Variants in CDH12 observed in about 807,000 individuals in gnomAD.
CDH12 encodes cadherin-12.
In CDH12, 41 loss-of-function variants were observed where a neutral mutation model predicts 74.1. The observed-to-expected ratio is 0.55, with a 90% confidence interval of 0.43 to 0.72. CDH12 has a LOEUF of 0.72. Ranked by LOEUF, CDH12 falls within the 30% of genes least tolerant of loss-of-function variation. The pLI, the probability that CDH12 is intolerant of heterozygous loss-of-function variation, is 0.00. For synonymous variants in CDH12, 399 were observed against 355.0 expected, an observed-to-expected ratio of 1.12 and a Z score of -1.39; for missense variants, 945 against 977.2, an observed-to-expected ratio of 0.97 and a Z score of 0.44.
chr5:22,543,672 T>A (rs1738196606), intron 1 of CDH12, among the ~76,000 whole-genome samples: 1 of 152,166 alleles, frequency 6.6e-6, no homozygotes, highest in Non-Finnish European at 1.5e-5. Flanking sequence ...GTCTTTACAC[T>A]TCTACAATAA....
chr5:22,521,828 A>T (rs541623636), intron 1 of CDH12, among the ~76,000 whole-genome samples: 2 of 152,288 alleles, frequency 1.3e-5, no homozygotes, highest in East Asian at 3.9e-4. Context: ...CCAGCAGCCT[A>T]TCGATCTCTG....
intron 1 of CDH12, among the ~76,000 whole-genome samples, chr5:22,828,915 C>T (rs1337092875): frequency 6.6e-6 from 1 of 152,086 alleles, no homozygotes; most frequent in African/African-American, 2.4e-5. Context: ...TTATTGATTA[C>T]TCACATATGC....
At chr5:22,055,927 G>A (rs1036725649) in intron 5 of CDH12, among the ~76,000 whole-genome samples, 1 of 152,004 alleles carries the variant, frequency 6.6e-6, no homozygotes, top group Non-Finnish European at 1.5e-5. Context: ...TGCACATATT[G>A]ATAAAAATAC....
chr5:21,873,912 A>C (rs1478512115), intron 6 of CDH12, among the ~76,000 whole-genome samples: 1 of 151,956 alleles, frequency 6.6e-6, no homozygotes, highest in African/African-American at 2.4e-5. Context: ...AGCTTCACCC[A>C]TGTCCCTGCA....
At chr5:22,532,377 ATG>A (rs1554047729) in intron 1 of CDH12, among the ~76,000 whole-genome samples, 19 of 79,682 alleles carry the variant, frequency 2.4e-4, no homozygotes, top group African/African-American at 7.7e-4. Flanking sequence ...ATATATATAT[ATG>A]TATGTATCCT....
At chr5:22,382,188 T>C (rs1038476151) in intron 3 of CDH12, among the ~76,000 whole-genome samples, 1 of 145,766 alleles carries the variant, frequency 6.9e-6, no homozygotes, top group Admixed American at 6.9e-5. Context: ...ATAATATATA[T>C]TATTTTATTA....
intron 5 of CDH12, among the ~76,000 whole-genome samples, chr5:22,076,157 C>T (rs1156567110): frequency 6.6e-6 from 1 of 152,032 alleles, no homozygotes; most frequent in Non-Finnish European, 1.5e-5. Flanking sequence ...GAGCCCTGTA[C>T]CAGCGGAAAT....
At chr5:22,597,646 G>C (rs561379644) in intron 1 of CDH12, among the ~76,000 whole-genome samples, 2 of 152,172 alleles carry the variant, frequency 1.3e-5, no homozygotes, top group African/African-American at 4.8e-5. Flanking sequence ...CTTATCTCCA[G>C]AGTATTTGTT....
intron 5 of CDH12, among the ~76,000 whole-genome samples, chr5:22,070,271 T>C (rs1231716688): frequency 1.3e-5 from 2 of 152,160 alleles, no homozygotes; most frequent in Admixed American, 6.6e-5. Flanking sequence ...TTTCATTGCA[T>C]GCAAGACAGT....
intron 3 of CDH12, among the ~76,000 whole-genome samples, chr5:22,257,714 T>C (rs1753368735): frequency 6.6e-6 from 1 of 152,066 alleles, no homozygotes; most frequent in African/African-American, 2.4e-5. Context: ...TTAGCCAGCA[T>C]GGTCTTGATC....
At chr5:22,400,497 G>A (rs865926203) in intron 3 of CDH12, among the ~76,000 whole-genome samples, 6 of 151,778 alleles carry the variant, frequency 4.0e-5, no homozygotes, top group Middle Eastern at 3.4e-3. Flanking sequence ...GTTTCACCAC[G>A]TTGCCCAGGC....
At chr5:21,949,830 TAAA>T (rs1380066223) in intron 6 of CDH12, among the ~76,000 whole-genome samples, 1 of 152,342 alleles carries the variant, frequency 6.6e-6, no homozygotes, top group African/African-American at 2.4e-5. Flanking sequence ...AAAAATAAGT[TAAA>T]AAGTTTATAA....
intron 12 of CDH12, among the ~76,000 whole-genome samples, chr5:21,763,216 A>G (rs1423309910): frequency 6.6e-6 from 1 of 152,220 alleles, no homozygotes; most frequent in African/African-American, 2.4e-5. Context: ...GTAGAGCAGC[A>G]CAGTCCACTA....
chr5:22,744,196 G>A (rs1444886217), intron 1 of CDH12, among the ~76,000 whole-genome samples: 1 of 152,036 alleles, frequency 6.6e-6, no homozygotes, highest in Non-Finnish European at 1.5e-5. Flanking sequence ...TTGGGAGGCC[G>A]AGACGGGCGG....
At chr5:22,205,127 A>G (rs1366989839) in intron 4 of CDH12, among the ~76,000 whole-genome samples, 1 of 152,266 alleles carries the variant, frequency 6.6e-6, no homozygotes, top group Non-Finnish European at 1.5e-5. Context: ...AGATTTTATA[A>G]TGTGTTAAAA....
intron 2 of CDH12, among the ~76,000 whole-genome samples, chr5:22,457,978 C>A (rs1264451508): frequency 3.3e-5 from 5 of 151,976 alleles, no homozygotes; most frequent in African/African-American, 1.2e-4. Context: ...CTCCTGACCT[C>A]ATGATCCACC....
intron 1 of CDH12, among the ~76,000 whole-genome samples, chr5:22,679,614 A>T (rs1741383132): frequency 6.6e-6 from 1 of 152,102 alleles, no homozygotes; most frequent in Non-Finnish European, 1.5e-5. Context: ...TATTACTTGG[A>T]TAGTAGAAAT....
At chr5:22,589,801 T>C (rs2126797279) in intron 1 of CDH12, among the ~76,000 whole-genome samples, 1 of 152,304 alleles carries the variant, frequency 6.6e-6, no homozygotes, top group East Asian at 1.9e-4. Flanking sequence ...ATTTCTCTTC[T>C]GTACATAACT....
chr5:22,544,800 G>A (rs973648815), intron 1 of CDH12, among the ~76,000 whole-genome samples: 6 of 151,476 alleles, frequency 4.0e-5, no homozygotes, highest in African/African-American at 1.5e-4. Context: ...CTGGGTGACA[G>A]AGTGAGACTC....
Sources: gnomAD v4.1 joint callset for allele counts (sites outside exome capture counted in the v4.1 genomes callset) on GRCh38, gnomAD v4.1.1 for gene constraint, MANE v1.5 for transcripts, NCBI Gene and HGNC (gene_info 2026-07-23, HGNC 2026-07-21) for gene names.